NSMCE2: variants seen among roughly 807,000 people sequenced by gnomAD.
NSMCE2 encodes E3 SUMO-protein ligase NSE2.
NSMCE2 carries 24 observed loss-of-function variants against 23.8 expected under a neutral mutation model. The observed-to-expected ratio is 1.01, with a 90% confidence interval of 0.73 to 1.42. NSMCE2 has a LOEUF of 1.42. Ranked by LOEUF, NSMCE2 falls within the 40% of genes most tolerant of loss-of-function variation. The pLI is 0.00. For synonymous variants in NSMCE2, 92 were observed against 94.1 expected (o/e 0.98, Z 0.13); for missense variants, 284 against 296.5 (o/e 0.96, Z 0.31).
At chr8:125,109,069 T>C (rs749607165) in intron 3 of NSMCE2, among the ~76,000 whole-genome samples, 2 of 152,122 alleles carry the variant, frequency 1.3e-5, no homozygotes, top group Non-Finnish European at 2.9e-5. Flanking sequence ...AAAAAGAAAA[T>C]AACTTTGACT....
In NSMCE2 at chr8:125,257,638, AT is replaced by A; in HGVS notation, c.418+75384del. Among the ~76,000 whole-genome samples the A allele has an allele frequency of 1.4e-5, 2 of 141,804 alleles. 1 individual carries two copies. The highest frequency in any genetic ancestry group is 4.2e-4 in the East Asian group (2 of 4,748). 93.0% of individuals were successfully genotyped at this position (141,804 alleles called of 152,430 possible). A position where few individuals can be genotyped will look rare whatever the true frequency, so the allele number is the denominator to read the frequency against. ...AAGCTCCGCCTCCCGGGTTCACGCC[AT>A]TCTCCTGCCTCAGCCTCCCGAGTAG... On this transcript the variant is annotated intron_variant, in intron 5 of 7. Coordinates refer to ENST00000287437, the MANE Select transcript of NSMCE2 (RefSeq NM_173685.4).
chr8:125,151,227 G>A lies in NSMCE2; in HGVS notation c.214G>A (p.Asp72Asn), dbSNP rs1246981208. Residue 72 changes from aspartate to asparagine, a missense_variant, in exon 4 of 8, where the codon GAT (aspartate) becomes AAT (asparagine). Physicochemically the swap from Asp to Asn is conservative, Grantham distance 23. Coordinates refer to ENST00000287437, the MANE Select transcript of NSMCE2 (RefSeq NM_173685.4). The part of the protein sequence containing the change: ...DKAMVEFATL[D>N]RQLNHYVKAV... ...GGCAATGGTTGAATTTGCTACATTGGATCGGCAACTAAACCATTATGTAAA... is the reference window on the plus strand; with the variant it reads ...GGCAATGGTTGAATTTGCTACATTGAATCGGCAACTAAACCATTATGTAAA... 2.5e-5 allele frequency: 40 copies of A among 1,608,976 alleles called. No homozygotes were observed. Among genetic ancestry groups the A allele is most frequent in the Admixed American group, 3.3e-5 (2 of 59,898 alleles).
chr8:125,331,778 A>G (rs1170935385), intron 5 of NSMCE2, among the ~76,000 whole-genome samples: 1 of 152,220 alleles, frequency 6.6e-6, no homozygotes, highest in African/African-American at 2.4e-5. Context: ...AGTCAACGGT[A>G]AAGTTTCAGC....
At chr8:125,125,835 C>T (rs149470003) in intron 3 of NSMCE2, among the ~76,000 whole-genome samples, 3 of 152,268 alleles carry the variant, frequency 2.0e-5, no homozygotes, top group Non-Finnish European at 4.4e-5. Flanking sequence ...TCATAGTTCA[C>T]CTTGTTGTCC....
intron 3 of NSMCE2, among the ~76,000 whole-genome samples, chr8:125,135,156 G>A (rs1205326796): frequency 6.6e-6 from 1 of 152,090 alleles, no homozygotes; most frequent in Non-Finnish European, 1.5e-5. Flanking sequence ...GAGCTCAAGT[G>A]ATCCACCTGC....
intron 5 of NSMCE2, among the ~76,000 whole-genome samples, chr8:125,329,377 A>G (rs1034289077): frequency 1.2e-4 from 19 of 152,232 alleles, no homozygotes; most frequent in Non-Finnish European, 2.1e-4. Flanking sequence ...TTGGCTCTTC[A>G]GAGCTGTCAC....
intron 5 of NSMCE2, among the ~76,000 whole-genome samples, chr8:125,266,987 C>A (rs1252327984): frequency 1.4e-5 from 2 of 144,964 alleles, no homozygotes; most frequent in Non-Finnish European, 1.5e-5. Context: ...AAAAGCATAA[C>A]TTTTCTTTTT....
chr8:125,129,544 CTG>C (rs10578122), intron 3 of NSMCE2, among the ~76,000 whole-genome samples: 19,578 of 145,150 alleles, frequency 0.13, 1,846 homozygotes, highest in African/African-American at 0.27. Flanking sequence ...AGATTTGGCT[CTG>C]TGTGTGTGTG....
At chr8:125,278,947 T>A (rs1219751805) in intron 5 of NSMCE2, among the ~76,000 whole-genome samples, 2 of 150,702 alleles carry the variant, frequency 1.3e-5, no homozygotes, top group Non-Finnish European at 3.0e-5. Context: ...CAGCTGGAGG[T>A]TAGAGCCATA....
chr8:125,285,758 A>T (rs1198075701), intron 5 of NSMCE2, among the ~76,000 whole-genome samples: 1 of 852 alleles, frequency 1.2e-3, no homozygotes, highest in Non-Finnish European at 3.6e-3. Context: ...ATACACACGC[A>T]CACACACACA....
chr8:125,292,907 A>T (rs1209405406), intron 5 of NSMCE2, among the ~76,000 whole-genome samples: 2 of 152,196 alleles, frequency 1.3e-5, no homozygotes, highest in Non-Finnish European at 2.9e-5. Flanking sequence ...ACGAGTTTCA[A>T]ATGTTGGCAG....
At chr8:125,162,408 T>C (rs533651243) in intron 4 of NSMCE2, among the ~76,000 whole-genome samples, 1 of 152,316 alleles carries the variant, frequency 6.6e-6, no homozygotes, top group Admixed American at 6.5e-5. Context: ...TAAACCGTTT[T>C]GGCTTTATAA....
At chr8:125,320,306 A>AAGGAAGGAAGGAAGGG in intron 5 of NSMCE2, among the ~76,000 whole-genome samples, 1 of 120,536 alleles carries the variant, frequency 8.3e-6, no homozygotes, top group African/African-American at 3.0e-5. Flanking sequence ...GGAAGGAAGG[A>AAGGAAGGAAGGAAGGG]AGGGAAGGGA....
intron 3 of NSMCE2, among the ~76,000 whole-genome samples, chr8:125,137,472 T>G (rs928214061): frequency 6.6e-6 from 1 of 152,218 alleles, no homozygotes; most frequent in East Asian, 1.9e-4. Flanking sequence ...AGGCAGTTGC[T>G]ATCCACATGC....
At chr8:125,142,324 A>G in intron 3 of NSMCE2, among the ~76,000 whole-genome samples, 1 of 152,202 alleles carries the variant, frequency 6.6e-6, no homozygotes, top group East Asian at 1.9e-4. Flanking sequence ...CAAAAACTAC[A>G]TAGCTAGCAT....
chr8:125,257,785 C>T (rs190899658), intron 5 of NSMCE2, among the ~76,000 whole-genome samples: 1 of 152,188 alleles, frequency 6.6e-6, no homozygotes, highest in Non-Finnish European at 1.5e-5. Context: ...CCGCCCTCTT[C>T]GGCCTCCCAA....
chr8:125,340,243 G>A (rs1395259666), intron 5 of NSMCE2, among the ~76,000 whole-genome samples: 1 of 151,862 alleles, frequency 6.6e-6, no homozygotes, highest in African/African-American at 2.4e-5. Context: ...ACAGCATGAC[G>A]TTTAACCATA....
chr8:125,182,077 T>C (rs763903388), intron 4 of NSMCE2, 26 bp from the exon 5 acceptor site: 1 of 1,521,328 alleles, frequency 6.6e-7, no homozygotes, highest in Non-Finnish European at 8.9e-7. Flanking sequence ...AACATTTAAC[T>C]CAGGTAATTT....
intron 3 of NSMCE2, among the ~76,000 whole-genome samples, chr8:125,120,082 A>G (rs573871830): frequency 6.6e-6 from 1 of 152,220 alleles, no homozygotes; most frequent in Non-Finnish European, 1.5e-5. Context: ...AATCAATATG[A>G]AAGTTACTAA....
Sources: gnomAD v4.1 joint callset for allele counts (sites outside exome capture counted in the v4.1 genomes callset) on GRCh38, gnomAD v4.1.1 for gene constraint, MANE v1.5 for transcripts, NCBI Gene and HGNC (gene_info 2026-07-23, HGNC 2026-07-21) for gene names.